Variants in HEMK2 observed in about 807,000 individuals in gnomAD.
The protein encoded by HEMK2 is methyltransferase HEMK2.
chr21:28,582,555 C>T, the HEMK2 span, among the ~76,000 whole-genome samples: 1 of 152,140 alleles, frequency 6.6e-6, no homozygotes, highest in Non-Finnish European at 1.5e-5. Flanking sequence ...TGCCAGGGCT[C>T]TCAGTCTTAG....
the HEMK2 span, chr21:28,882,111 C>T: frequency 1.4e-6 from 2 of 1,456,674 alleles, no homozygotes; most frequent in South Asian, 1.3e-5. Context: ...CCTAAAGCAT[C>T]TTAACTTTAT....
the HEMK2 span, among the ~76,000 whole-genome samples, chr21:28,639,680 T>C: frequency 6.6e-6 from 1 of 152,240 alleles, no homozygotes; most frequent in Admixed American, 6.5e-5. Flanking sequence ...ATGACTAGTA[T>C]ACATACTTTT....
chr21:28,701,780 C>T, the HEMK2 span, among the ~76,000 whole-genome samples: 1 of 152,068 alleles, frequency 6.6e-6, no homozygotes, highest in Non-Finnish European at 1.5e-5. Context: ...AGATTCAATG[C>T]TATTCCTATC....
At chr21:28,761,982 G>A in the HEMK2 span, among the ~76,000 whole-genome samples, 7 of 152,084 alleles carry the variant, frequency 4.6e-5, no homozygotes, top group Non-Finnish European at 4.4e-5. Context: ...TTCCAAATGT[G>A]TTTCCAGTCT....
At chr21:28,774,245 G>C in the HEMK2 span, among the ~76,000 whole-genome samples, 1 of 152,258 alleles carries the variant, frequency 6.6e-6, no homozygotes, top group South Asian at 2.1e-4. Flanking sequence ...ATATTGTCAG[G>C]ATATCTGGAG....
chr21:28,814,818 G>A, the HEMK2 span, among the ~76,000 whole-genome samples: 1 of 152,086 alleles, frequency 6.6e-6, no homozygotes, highest in African/African-American at 2.4e-5. Flanking sequence ...GGAAGTCGGT[G>A]TGGCGATTCC....
At chr21:28,602,009 A>T in the HEMK2 span, among the ~76,000 whole-genome samples, 1 of 152,356 alleles carries the variant, frequency 6.6e-6, no homozygotes, top group East Asian at 1.9e-4. Flanking sequence ...CATTTAATTC[A>T]TTGTACATTG....
chr21:28,635,518 A>T, the HEMK2 span, among the ~76,000 whole-genome samples: 1 of 152,210 alleles, frequency 6.6e-6, no homozygotes, highest in Non-Finnish European at 1.5e-5. Context: ...AAAAATTAAC[A>T]TGAGCTTAAA....
At chr21:28,666,745 T>C in the HEMK2 span, among the ~76,000 whole-genome samples, 4 of 152,268 alleles carry the variant, frequency 2.6e-5, no homozygotes, top group African/African-American at 4.8e-5. Flanking sequence ...TCTTGATATA[T>C]ATAAATCCTG....
chr21:28,583,674 G>A, the HEMK2 span, among the ~76,000 whole-genome samples: 4 of 152,072 alleles, frequency 2.6e-5, no homozygotes, highest in South Asian at 8.3e-4. Flanking sequence ...ACCATAATTG[G>A]AAGTCTTGTT....
the HEMK2 span, among the ~76,000 whole-genome samples, chr21:28,777,532 C>T: frequency 6.6e-6 from 1 of 152,202 alleles, no homozygotes; most frequent in South Asian, 2.1e-4. Context: ...CTCTGGGGTC[C>T]AGAGAGGTTG....
At chr21:28,839,818 A>C in the HEMK2 span, among the ~76,000 whole-genome samples, 3 of 152,154 alleles carry the variant, frequency 2.0e-5, no homozygotes, top group African/African-American at 4.8e-5. Flanking sequence ...ATTCAATGCA[A>C]TCCCCATCAA....
the HEMK2 span, among the ~76,000 whole-genome samples, chr21:28,834,961 C>T: frequency 2.0e-5 from 3 of 152,096 alleles, no homozygotes. Flanking sequence ...GGGAATCTCA[C>T]CCCCATCCCC....
At chr21:28,728,528 C>T in the HEMK2 span, among the ~76,000 whole-genome samples, 1 of 152,084 alleles carries the variant, frequency 6.6e-6, no homozygotes, top group African/African-American at 2.4e-5. Flanking sequence ...TAGGCAAATA[C>T]TTGTTTTCTT....
chr21:28,877,061 A>AGGG, the HEMK2 span, among the ~76,000 whole-genome samples: 4 of 24,372 alleles, frequency 1.6e-4, no homozygotes, highest in East Asian at 7.2e-4. Flanking sequence ...GGAGGGAGGG[A>AGGG]AGGAGGGAGG....
chr21:28,756,829 G>A, the HEMK2 span, among the ~76,000 whole-genome samples: 40 of 152,306 alleles, frequency 2.6e-4, no homozygotes, highest in African/African-American at 8.4e-4. Context: ...AAACTATTCA[G>A]AAGTCTCCTT....
the HEMK2 span, among the ~76,000 whole-genome samples, chr21:28,666,495 C>A: frequency 1.3e-5 from 2 of 152,144 alleles, no homozygotes; most frequent in South Asian, 4.1e-4. Context: ...TTCAGTTTGG[C>A]AGATAAATAG....
the HEMK2 span, among the ~76,000 whole-genome samples, chr21:28,613,619 C>CTTTTTT: frequency 5.3e-3 from 439 of 82,698 alleles, 90 homozygotes; most frequent in African/African-American, 8.4e-3. Flanking sequence ...TCTGCATATT[C>CTTTTTT]TTTTTTTTTT....
the HEMK2 span, among the ~76,000 whole-genome samples, chr21:28,640,522 G>A: frequency 1.1e-4 from 16 of 152,284 alleles, no homozygotes; most frequent in South Asian, 4.1e-4. Flanking sequence ...GTACTACAGC[G>A]GAATCAGGGG....
Sources: allele counts gnomAD v4.1 joint callset (sites outside exome capture counted in the v4.1 genomes callset), GRCh38; gene constraint gnomAD v4.1.1; transcripts MANE v1.5; gene names NCBI Gene and HGNC (gene_info 2026-07-23, HGNC 2026-07-21).